PER2: variants seen among roughly 807,000 people sequenced by gnomAD.
The protein encoded by PER2 is period circadian regulator 2, also known as period circadian protein homolog 2.
A neutral mutation model predicts 121.0 loss-of-function variants in PER2; 66 were observed. The observed-to-expected ratio is 0.55, with a 90% CI of 0.45 to 0.67. The LOEUF is 0.67. Ranked by LOEUF, PER2 falls within the 30% of genes least tolerant of loss-of-function variation. PER2 has a pLI of 0.00. For synonymous variants in PER2, 684 were observed against 659.9 expected, an observed-to-expected ratio of 1.04 and a Z score of -0.56; for missense variants, 1,521 against 1,635.0, an observed-to-expected ratio of 0.93 and a Z score of 1.20.
At chr2:238,293,449 C>CA (rs768027738), upstream of PER2, among the ~76,000 whole-genome samples, 3 of 152,112 alleles carry the variant, frequency 2.0e-5, no homozygotes, top group Non-Finnish European at 4.4e-5. Context: ...ATTAAAACCT[C>CA]AAACTTTCTG....
Position 238,249,071 on chromosome 2 carries a change from G to T in PER2, c.3609C>A (p.Ile1203=), listed in dbSNP as rs768209947. 1.9e-6 allele frequency: 3 copies of T among 1,613,964 alleles called. No individual in the cohort carries two copies. The highest frequency in any genetic ancestry group is 2.5e-6 in the Non-Finnish European group (3 of 1,180,012). Residue 1203 remains isoleucine (I), a synonymous_variant, in exon 22 of 23, where the codon ATC becomes ATA. Coordinates refer to ENST00000254657, the MANE Select transcript of PER2 (RefSeq NM_022817.3). ...AGTCCCGTGAGCTTACTGCCACGTC[G>T]ATGGCTGCGGGCAGGCCGCCCGTCT... is the stretch of plus-strand genomic sequence containing the variant. ...WMQTGGLPAA[I]DVAECVYCEN... is the part of the protein sequence containing the mutation.
intron 6 of PER2, among the ~76,000 whole-genome samples, chr2:238,270,561 G>A (rs1207748172): frequency 6.6e-6 from 1 of 152,220 alleles, no homozygotes; most frequent in Non-Finnish European, 1.5e-5. Context: ...GAATTCACCT[G>A]GTCCTTGACT....
chr2:238,272,441 G>T (rs1352280053), intron 5 of PER2, among the ~76,000 whole-genome samples: 1 of 152,242 alleles, frequency 6.6e-6, no homozygotes, highest in Non-Finnish European at 1.5e-5. Flanking sequence ...CTGCTGGCTG[G>T]CCCTCTGGGC....
chr2:238,275,893 C>T lies in PER2; in HGVS notation c.298G>A (p.Asp100Asn). 12 of 1,614,196 alleles carry T rather than the reference C, an allele frequency of 7.4e-6. No homozygotes were observed. The highest frequency in any genetic ancestry group is 2.2e-5 in the East Asian group (1 of 44,884). The change falls in exon 4 of 23, where the codon GAC becomes AAC. Residue 100 changes from aspartate to asparagine, a missense_variant. Physicochemically the swap from Asp to Asn is conservative, Grantham distance 23 (BLOSUM62 1). Coordinates refer to ENST00000254657, the MANE Select transcript of PER2 (RefSeq NM_022817.3). ...HNPSTSGCSSDQSSKVDTHKE... is the reference protein window; with the variant it reads ...HNPSTSGCSSNQSSKVDTHKE... The stretch of plus-strand genomic sequence containing the variant: ...TGTGTGTCCACTTTCGAAGACTGGT[C>T]GCTACTGCAGGATTCAAGAAAGAGG...
At chr2:238,249,258 G>A in intron 21 of PER2, 46 bp from the exon 22 acceptor site, 5 of 1,558,702 alleles carry the variant, frequency 3.2e-6, no homozygotes, top group Non-Finnish European at 4.4e-6. Context: ...ATGTCTTAAG[G>A]GTATCTATTT....
chr2:238,262,134 C>G, intron 11 of PER2, 57 bp downstream of exon 11: 1 of 1,539,578 alleles, frequency 6.5e-7, no homozygotes, highest in Non-Finnish European at 9.0e-7. Flanking sequence ...GAGGTGAGGA[C>G]AGCCCGAGAC....
chr2:238,292,893 A>T (rs1696971729), upstream of PER2, among the ~76,000 whole-genome samples: 1 of 151,474 alleles, frequency 6.6e-6, no homozygotes, highest in South Asian at 2.1e-4. Flanking sequence ...GCACGTAACC[A>T]CACCCAGCTA....
upstream of PER2, among the ~76,000 whole-genome samples, chr2:238,290,286 C>T (rs1251451526): frequency 1.3e-5 from 2 of 152,108 alleles, no homozygotes; most frequent in Admixed American, 1.3e-4. Flanking sequence ...ACACACTCCC[C>T]GCCCCCTCTC....
intron 9 of PER2, among the ~76,000 whole-genome samples, chr2:238,263,398 T>C (rs910519919): frequency 2.0e-5 from 3 of 152,234 alleles, no homozygotes; most frequent in African/African-American, 7.2e-5. Flanking sequence ...TTTGGCCACA[T>C]GTGACCTGGC....
rs1249792177 is a variant in PER2 at position 238,244,184 on chromosome 2, A to C, written c.*2191T>G. 2 of 152,600 alleles carry C rather than the reference A, an allele frequency of 1.3e-5. No homozygotes were observed. Among genetic ancestry groups the C allele is most frequent in the Non-Finnish European group, 2.9e-5 (2 of 68,054 alleles). The allele number at this position is 152,600 out of a possible 1,614,324, so 9.5% of individuals were successfully genotyped here. ...ACAAACCACTTGTCCAGCAAGGCTC[A>C]ACAAATCATCACAGAAACTCTGAGA... On this transcript the variant is annotated 3_prime_UTR_variant, in exon 23 of 23. Transcript: ENST00000254657.
At chr2:238,292,153 G>C (rs1458477476), upstream of PER2, among the ~76,000 whole-genome samples, 3 of 152,216 alleles carry the variant, frequency 2.0e-5, no homozygotes, top group Non-Finnish European at 4.4e-5. Flanking sequence ...GCAAGACTGA[G>C]ATCCTATCTT....
At chr2:238,262,455 G>T in intron 10 of PER2, 111 bp from the exon 11 acceptor site, 4 of 1,006,768 alleles carry the variant, frequency 4.0e-6, no homozygotes, top group Non-Finnish European at 6.1e-6. Context: ...AAACTGTAGG[G>T]GTATGAACAC....
chr2:238,263,936 A>G (rs956656656), intron 9 of PER2, among the ~76,000 whole-genome samples: 6 of 151,370 alleles, frequency 4.0e-5, no homozygotes, highest in Non-Finnish European at 8.8e-5. Flanking sequence ...AGGAGGAAGA[A>G]GAGGAAGGAA....
chr2:238,254,424 C>G (rs1372435999), intron 18 of PER2: 1 of 153,076 alleles, frequency 6.5e-6, no homozygotes, highest in Non-Finnish European at 1.5e-5. Context: ...TCTGGGACAT[C>G]TGTCAGCTGT....
chr2:238,268,953 A>G lies in PER2; in HGVS notation c.794T>C (p.Met265Thr), dbSNP rs1574852815. 8 of 1,612,842 alleles carry G rather than the reference A, an allele frequency of 5.0e-6. No homozygotes were observed. The African/African-American group carries it at 6.7e-5, about 13-fold the overall frequency. Residue 265 changes from methionine (M) to threonine (T), a missense_variant, in exon 7 of 23, where the codon ATG (methionine) becomes ACG (threonine). Physicochemically the swap from Met to Thr is moderately conservative, Grantham distance 81. Coordinates refer to ENST00000254657, the MANE Select transcript of PER2 (RefSeq NM_022817.3). This position sits in a 1 kb window ranked among gnomAD's most constrained non-coding sequence, Gnocchi z 4.0. ...ACGGCAAAAGAAAGATTTCTCCTCC[A>G]TGCATTCTTGAGTAAAAGAATCTAA... ...SGADSFTQECMEEKSFFCRVS... is the reference protein window; with the variant it reads ...SGADSFTQECTEEKSFFCRVS...
In PER2 at chr2:238,268,946, C is replaced by T; in HGVS notation, c.801G>A (p.Glu267=). Residue 267 remains glutamate (E), a synonymous_variant, in exon 7 of 23, where the codon GAG becomes GAA. Coordinates refer to ENST00000254657, the MANE Select transcript of PER2 (RefSeq NM_022817.3). The surrounding 1 kb of genome is among the most constrained non-coding windows in gnomAD (Gnocchi z 4.0). ...ADSFTQECME[E]KSFFCRVSVR... is the part of the protein sequence containing the mutation. ...ACCTGACACGGCAAAAGAAAGATTTCTCCTCCATGCATTCTTGAGTAAAAG... is the reference window on the plus strand; with the variant it reads ...ACCTGACACGGCAAAAGAAAGATTTTTCCTCCATGCATTCTTGAGTAAAAG... The T allele has an allele frequency of 6.2e-7, 1 of 1,613,012 alleles. No homozygotes were observed. The highest frequency in any genetic ancestry group is 8.5e-7 in the Non-Finnish European group (1 of 1,178,944).
Position 238,268,581 on chromosome 2 carries a change from T to C in PER2, c.824+342A>G, listed in dbSNP as rs1487143539. Among the ~76,000 whole-genome samples, 1 of 152,140 alleles carries C rather than the reference T, an allele frequency of 6.6e-6. No homozygotes were observed. Among genetic ancestry groups the C allele is most frequent in the Non-Finnish European group, 1.5e-5 (1 of 68,014 alleles). ...GTCACCCTGGTTTGGACCAAGACCC[T>C]TGTCGGGAAAGCTACGGGTCTCTCC... On this transcript the variant is annotated intron_variant, in intron 7 of 22. Coordinates refer to ENST00000254657, the MANE Select transcript of PER2 (RefSeq NM_022817.3). The surrounding 1 kb of genome is among the most constrained non-coding windows in gnomAD (Gnocchi z 4.0).
chr2:238,251,823 CGGGGTGGGGGTGGGGGGCATGAGT>C, intron 19 of PER2, 62 bp from the exon 20 acceptor site: 1 of 125,534 alleles, frequency 8.0e-6, no homozygotes, highest in Non-Finnish European at 1.8e-5. Context: ...GCATATGCAG[CGGGGTGGGGGTGGGGGGCATGAGT>C]GGGGTGAGGG....
Position 238,253,085 on chromosome 2 carries a change from G to A in PER2, c.2938C>T (p.Leu980Phe). Residue 980 changes from leucine (L) to phenylalanine (F), a missense_variant, in exon 19 of 23, where the codon CTC becomes TTC. Leu to Phe is a conservative substitution (Grantham distance 22). Transcript: ENST00000254657. The surrounding 1 kb of genome is among the most constrained non-coding windows in gnomAD (Gnocchi z 5.6). ...PSAMGRASPP[L>F]FQSRSSSPLQ... ...GGCGAGCTGCTGCGGGACTGAAAGAGCGGTGGGGAGGCCCTACCCATGGCC... is the reference window on the plus strand; with the variant it reads ...GGCGAGCTGCTGCGGGACTGAAAGAACGGTGGGGAGGCCCTACCCATGGCC... 6.2e-7 allele frequency: 1 copy of A among 1,611,800 alleles called. No individual in the cohort carries two copies. Among genetic ancestry groups the A allele is most frequent in the Non-Finnish European group, 8.5e-7 (1 of 1,178,254 alleles).
Sources: allele counts gnomAD v4.1 joint callset (sites outside exome capture counted in the v4.1 genomes callset), GRCh38; gene constraint gnomAD v4.1.1; non-coding constraint Gnocchi (gnomAD v3.1); transcripts MANE v1.5; gene names NCBI Gene and HGNC (gene_info 2026-07-23, HGNC 2026-07-21).